SHROOM1: variants seen among roughly 807,000 people sequenced by gnomAD.
SHROOM1 encodes shroom family member 1.
Under a neutral mutation model 64.2 loss-of-function variants are expected in SHROOM1, and 53 were observed. The observed-to-expected ratio is 0.83, with a 90% confidence interval of 0.66 to 1.04. SHROOM1 has a LOEUF of 1.04. SHROOM1 is among the 50% of genes least tolerant of loss of function. The pLI, the probability that SHROOM1 is intolerant of heterozygous loss-of-function variation, is 0.00. For missense variants in SHROOM1, 1,179 were observed against 1,163.2 expected, an observed-to-expected ratio of 1.01 and a Z score of -0.20; for synonymous variants, 490 against 518.9, an observed-to-expected ratio of 0.94 and a Z score of 0.76.
intron 1 of SHROOM1, chr5:132,829,991 C>A (rs1382613697): frequency 7.1e-6 from 7 of 985,330 alleles, no homozygotes; most frequent in Non-Finnish European, 8.4e-6. Context: ...TGGCGACACC[C>A]GGGGAGAGGC....
Position 132,826,100 on chromosome 5 carries a change from GC to G in SHROOM1, c.40del (p.Ala14ProfsTer45). On this transcript the variant is annotated frameshift_variant, in exon 4 of 10. Transcript: ENST00000378679. LOFTEE classifies it high-confidence loss of function. Reference sequence around the variant, plus strand: ...CAGGTCCAGGCTGCTAGTGGACGAGGCCGGGGAGGCGCGGTCGCCCCCAGGT... The same window carrying G: ...CAGGTCCAGGCTGCTAGTGGACGAGGCGGGGAGGCGCGGTCGCCCCCAGGT... Reference protein sequence around the residue: ...LGPGGDRASPASSTSSLDLWH... With the variant: ...LGPGGDRASPXSSTSSLDLWH... 7.2e-7 allele frequency: 1 copy of G among 1,393,972 alleles called. No individual in the cohort carries two copies. Among genetic ancestry groups the G allele is most frequent in the South Asian group, 1.7e-5 (1 of 59,488 alleles). 86.4% of individuals were successfully genotyped at this position (1,393,972 alleles called of 1,614,324 possible). A position where few individuals can be genotyped will look rare whatever the true frequency, so the allele number is the denominator to read the frequency against.
chr5:132,824,955 T>C (rs1581231011), intron 5 of SHROOM1, 63 bp downstream of exon 5: 2 of 1,604,820 alleles, frequency 1.2e-6, no homozygotes, highest in African/African-American at 1.3e-5. Flanking sequence ...CTTTCATTTT[T>C]TGGGCAAAAG....
In SHROOM1 at chr5:132,830,305, C is replaced by T; in HGVS notation, c.-501+289G>A. The T allele has an allele frequency of 1.0e-6, 1 of 985,190 alleles. No homozygotes were observed. The highest frequency in any genetic ancestry group is 1.7e-5 in the African/African-American group (1 of 57,312). The allele number at this position is 985,190 out of a possible 1,614,324, so 61.0% of individuals were successfully genotyped here. The stretch of plus-strand genomic sequence containing the variant: ...GTGAGACCGCGCTGCCCGCCGGCGC[C>T]ACACGCGGCGCGCCCAGCCGCGCCC... On this transcript the variant is annotated intron_variant, in intron 1 of 9. Transcript: ENST00000378679. This position sits in a 1 kb window ranked among gnomAD's most constrained non-coding sequence, Gnocchi z 5.9.
rs769613033 is a variant in SHROOM1 at position 132,824,700 on chromosome 5, G to A, written c.1156C>T (p.Pro386Ser). The A allele has an allele frequency of 3.0e-5, 48 of 1,613,968 alleles. No homozygotes were observed. The highest frequency in any genetic ancestry group is 1.5e-4 in the South Asian group (14 of 91,084). ...GCCTCTTCTAGGAACACTTCATCAG[G>A]AAGGGAGGGGAGCCAGGCAGGCACA... ...CIVPAWLPSL[P>S]DEVFLEEAPL... is the part of the protein sequence containing the mutation. Residue 386 changes from proline to serine, a missense_variant, in exon 6 of 10, where the codon CCT becomes TCT. By Grantham distance (74) the Pro-to-Ser change is moderately conservative. Transcript: ENST00000378679.
Position 132,824,115 on chromosome 5 carries a change from G to A in SHROOM1, c.1546C>T (p.Pro516Ser), listed in dbSNP as rs759515954. Reference sequence around the variant, plus strand: ...AGGGCAGTATTGTGAGAGGGACCTGGAGTATCATTGCCTGAAAGTCCCAAG... The same window carrying A: ...AGGGCAGTATTGTGAGAGGGACCTGAAGTATCATTGCCTGAAAGTCCCAAG... ...DALGLSGNDT[P>S]GPSHNTALAR... The change falls in exon 7 of 10, where the codon CCA becomes TCA. Residue 516 changes from proline (P) to serine (S), a missense_variant. Coordinates refer to ENST00000378679, the MANE Select transcript of SHROOM1 (RefSeq NM_001172700.2). The A allele has an allele frequency of 6.2e-7, 1 of 1,614,030 alleles. No individual in the cohort carries two copies. Among genetic ancestry groups the A allele is most frequent in the African/African-American group, 1.3e-5 (1 of 74,942 alleles).
rs748000005 is a variant in SHROOM1, at chr5:132,822,934, G to C, written c.2421C>G (p.Asp807Glu). The C allele has an allele frequency of 1.2e-5, 19 of 1,612,672 alleles. No homozygotes were observed. In the South Asian group the frequency reaches 2.1e-4, roughly 18 times the overall value. Reference sequence around the variant, plus strand: ...GGTCCTGAAGGAGGCGGATGCGCTCGTCCAGGTTGCGCTGCTGGGCCAGGA... The same window carrying C: ...GGTCCTGAAGGAGGCGGATGCGCTCCTCCAGGTTGCGCTGCTGGGCCAGGA... The part of the protein sequence containing the change: ...AAVLAQQRNL[D>E]ERIRLLQDQL... The change falls in exon 10 of 10, where the codon GAC (aspartate) becomes GAG (glutamate). Residue 807 changes from aspartate (D) to glutamate (E), a missense_variant. Asp to Glu is a conservative substitution (Grantham distance 45). Transcript: ENST00000378679.
In SHROOM1 at chr5:132,825,802, CG is replaced by C; in HGVS notation, c.338del (p.Pro113ArgfsTer53). On this transcript the variant is annotated frameshift_variant, in exon 4 of 10. Coordinates refer to ENST00000378679, the MANE Select transcript of SHROOM1 (RefSeq NM_001172700.2). LOFTEE classifies it high-confidence loss of function. This position sits in a 1 kb window ranked among gnomAD's most constrained non-coding sequence, Gnocchi z 5.1. ...TPGPLNRQAT[P>X]LLYALAAEAE... ...CCTCGGCCGCCAGCGCGTACAGCAG[CG>C]GGGTGGCCTGCCTGTTCAGTGGTCC... 1 of 1,247,738 alleles carries C rather than the reference CG, an allele frequency of 8.0e-7. No homozygotes were observed. Among genetic ancestry groups the C allele is most frequent in the Non-Finnish European group, 1.0e-6 (1 of 998,272 alleles). The allele number at this position is 1,247,738 out of a possible 1,614,324, so 77.3% of individuals were successfully genotyped here. A position where few individuals can be genotyped will look rare whatever the true frequency, so the allele number is the denominator to read the frequency against.
chr5:132,825,671 G>C lies in SHROOM1; in HGVS notation c.470C>G (p.Ser157Trp). The change falls in exon 4 of 10, where the codon TCG (serine) becomes TGG (tryptophan). Residue 157 changes from serine (S) to tryptophan (W), a missense_variant. Physicochemically the swap from Ser to Trp is radical, Grantham distance 177. Transcript: ENST00000378679. This position sits in a 1 kb window ranked among gnomAD's most constrained non-coding sequence, Gnocchi z 5.1. The stretch of plus-strand genomic sequence containing the variant: ...CATGCGGAGCTCCTTGCGCTGGAAC[G>C]ACGTCTCCCGGAGCACTCGCCGCTG... ...GAQRRVLRET[S>W]FQRKELRMSL... 1 of 1,357,398 alleles carries C rather than the reference G, an allele frequency of 7.4e-7. No homozygotes were observed. Among genetic ancestry groups the C allele is most frequent in the Non-Finnish European group, 9.4e-7 (1 of 1,061,420 alleles). The allele number at this position is 1,357,398 out of a possible 1,614,324, so 84.1% of individuals were successfully genotyped here. A position where few individuals can be genotyped will look rare whatever the true frequency, so the allele number is the denominator to read the frequency against.
chr5:132,830,508 AC>A lies in SHROOM1; in HGVS notation c.-501+85del. The A allele has an allele frequency of 6.1e-6, 6 of 980,000 alleles. No individual in the cohort carries two copies. In the South Asian group the frequency reaches 2.8e-4, roughly 46 times the overall value. 60.7% of individuals were successfully genotyped at this position (980,000 alleles called of 1,614,324 possible). The stretch of plus-strand genomic sequence containing the variant: ...ACCACCGCCTCGCCGCCCGCTCTTC[AC>A]CCCCGTCCGCCCGCAGCCCCGCCGG... On this transcript the variant is annotated intron_variant, in intron 1 of 9. Transcript: ENST00000378679. The surrounding 1 kb of genome is among the most constrained non-coding windows in gnomAD (Gnocchi z 5.9).
In SHROOM1 at chr5:132,829,957, C is replaced by T. The variant is rs369546494; in HGVS notation, c.-501+637G>A. On this transcript the variant is annotated intron_variant, in intron 1 of 9. Transcript: ENST00000378679. Reference sequence around the variant, plus strand: ...AGTCTCTGGAGACCCGAGCTCCGTGCCATGCACAGGAAATGCAGGAAGCTG... The same window carrying T: ...AGTCTCTGGAGACCCGAGCTCCGTGTCATGCACAGGAAATGCAGGAAGCTG... 9.0e-5 allele frequency: 89 copies of T among 985,484 alleles called. 1 individual carries two copies. The East Asian group carries it at 7.8e-3, about 87-fold the overall frequency. 61.0% of individuals were successfully genotyped at this position (985,484 alleles called of 1,614,324 possible).
At position 132,823,306 on chromosome 5, in the gene SHROOM1, C is replaced by T; in HGVS notation, c.2170G>A (p.Ala724Thr). The change falls in exon 9 of 10, where the codon GCG (alanine) becomes ACG (threonine). Residue 724 changes from alanine to threonine, a missense_variant. Physicochemically the swap from Ala to Thr is moderately conservative, Grantham distance 58. Coordinates refer to ENST00000378679, the MANE Select transcript of SHROOM1 (RefSeq NM_001172700.2). This position sits in a 1 kb window ranked among gnomAD's most constrained non-coding sequence, Gnocchi z 4.6. ...CGGGCCAGGGCGCGGCGCACGCGCGCCAGGCGACTGCCCAGCAGCAGCAGA... is the reference window on the plus strand; with the variant it reads ...CGGGCCAGGGCGCGGCGCACGCGCGTCAGGCGACTGCCCAGCAGCAGCAGA... ...GLLLLLGSRL[A>T]RVRRALARAA... 6.2e-7 allele frequency: 1 copy of T among 1,602,490 alleles called. No individual in the cohort carries two copies. The highest frequency in any genetic ancestry group is 1.1e-5 in the South Asian group (1 of 90,982).
At position 132,830,233 on chromosome 5, in the gene SHROOM1, C is replaced by A; in HGVS notation, c.-501+361G>T. 1 of 985,348 alleles carries A rather than the reference C, an allele frequency of 1.0e-6. No homozygotes were observed. Among genetic ancestry groups the A allele is most frequent in the Non-Finnish European group, 1.2e-6 (1 of 829,898 alleles). The allele number at this position is 985,348 out of a possible 1,614,324, so 61.0% of individuals were successfully genotyped here. A position where few individuals can be genotyped will look rare whatever the true frequency, so the allele number is the denominator to read the frequency against. On this transcript the variant is annotated intron_variant, in intron 1 of 9. Transcript: ENST00000378679. The surrounding 1 kb of genome is among the most constrained non-coding windows in gnomAD (Gnocchi z 5.9). ...GCGAGCCCGGGAGGGAAGGACCCGG[C>A]TTCTCCAGATGCTTGGCGACAAAGG...
rs768276151 is a variant in SHROOM1 at position 132,823,645 on chromosome 5, T to C, written c.1931A>G (p.Asn644Ser). 1.9e-6 allele frequency: 3 copies of C among 1,601,520 alleles called. No individual in the cohort carries two copies. The Admixed American group carries it at 5.2e-5, about 28-fold the overall frequency. Residue 644 changes from asparagine to serine, a missense_variant, in exon 8 of 10, where the codon AAC (asparagine) becomes AGC (serine). By Grantham distance (46) the Asn-to-Ser change is conservative (BLOSUM62 1). Transcript: ENST00000378679. The surrounding 1 kb of genome is among the most constrained non-coding windows in gnomAD (Gnocchi z 4.6). ...QPCGQGLPAPNNSIQGKKVEL... is the reference protein window; with the variant it reads ...QPCGQGLPAPSNSIQGKKVEL... The stretch of plus-strand genomic sequence containing the variant: ...CACTTTCTTGCCCTGGATGCTGTTG[T>C]TTGGTGCAGGGAGCCCCTGCCCACA...
At position 132,822,973 on chromosome 5, in the gene SHROOM1, C is replaced by G. The variant is rs145343807; in HGVS notation, c.2382G>C (p.Ala794=). The part of the protein sequence containing the change: ...EELRVYCALL[A]GKAAVLAQQR... ...GCTGGGCCAGGACGGCGGCCTTGCC[C>G]GCCAGCAGGGCGCAATAGACGCGCA... The change falls in exon 10 of 10, where the codon GCG becomes GCC. Residue 794 remains alanine, a synonymous_variant. Transcript: ENST00000378679. The G allele has an allele frequency of 5.6e-6, 9 of 1,609,760 alleles. No individual in the cohort carries two copies. The highest frequency in any genetic ancestry group is 7.6e-6 in the Non-Finnish European group (9 of 1,179,766).
At position 132,822,351 on chromosome 5, in the gene SHROOM1, C is replaced by CTTTTTTTTTTTTTTTTT. The variant is rs34378204; in HGVS notation, c.*428_*444dup. 14 of 58,664 alleles carry CTTTTTTTTTTTTTTTTT rather than the reference C, an allele frequency of 2.4e-4. 3 individuals carry two copies. The highest frequency in any genetic ancestry group is 3.8e-4 in the Non-Finnish European group (13 of 33,846). 3.6% of individuals were successfully genotyped at this position (58,664 alleles called of 1,614,324 possible). ...ACATGAGAACACTTTGGAGAAGTATCTTTTTTTTTTTTTTTTTTTTTTTTT... is the reference window on the plus strand; with the variant it reads ...ACATGAGAACACTTTGGAGAAGTATCTTTTTTTTTTTTTTTTTTTTTTTTTTTTTTTTTTTTTTTTTT... On this transcript the variant is annotated 3_prime_UTR_variant, in exon 10 of 10. Coordinates refer to ENST00000378679, the MANE Select transcript of SHROOM1 (RefSeq NM_001172700.2).
chr5:132,827,680 AAC>A (rs1466903200), intron 1 of SHROOM1, 73 bp from the exon 2 acceptor site: 3 of 152,376 alleles, frequency 2.0e-5, no homozygotes, highest in Non-Finnish European at 2.9e-5. Context: ...CAAGGGAAAT[AAC>A]AGATTTGCAG....
chr5:132,826,599 T>G lies in SHROOM1; in HGVS notation c.-353-12A>C. On this transcript the variant is annotated splice_polypyrimidine_tract_variant and intron_variant, in intron 2 of 9. Coordinates refer to ENST00000378679, the MANE Select transcript of SHROOM1 (RefSeq NM_001172700.2). ...CATGTGATCTTTCCCTGATAAACAA[T>G]GGTCAAGAACACTCTTGTGACCTCA... 6.3e-6 allele frequency: 1 copy of G among 158,148 alleles called. No homozygotes were observed. The highest frequency in any genetic ancestry group is 1.4e-5 in the Non-Finnish European group (1 of 72,350). 9.8% of individuals were successfully genotyped at this position (158,148 alleles called of 1,614,324 possible).
At position 132,823,665 on chromosome 5, in the gene SHROOM1, C is replaced by A. The variant is rs1237082025; in HGVS notation, c.1911G>T (p.Gly637=). The change falls in exon 8 of 10, where the codon GGG becomes GGT. Residue 637 remains glycine (G), a synonymous_variant. Coordinates refer to ENST00000378679, the MANE Select transcript of SHROOM1 (RefSeq NM_001172700.2). This position sits in a 1 kb window ranked among gnomAD's most constrained non-coding sequence, Gnocchi z 4.6. ...TGTTGTTTGGTGCAGGGAGCCCCTG[C>A]CCACATGGCTGGTCAAGCACAGGGT... The part of the protein sequence containing the change: ...ATHPVLDQPC[G]QGLPAPNNSI... 5 of 1,609,912 alleles carry A rather than the reference C, an allele frequency of 3.1e-6. No individual in the cohort carries two copies. Among genetic ancestry groups the A allele is most frequent in the Non-Finnish European group, 4.2e-6 (5 of 1,178,024 alleles).
At position 132,824,180 on chromosome 5, in the gene SHROOM1, G is replaced by C; in HGVS notation, c.1481C>G (p.Ala494Gly). The change falls in exon 7 of 10, where the codon GCT becomes GGT. Residue 494 changes from alanine (A) to glycine (G), a missense_variant. Physicochemically the swap from Ala to Gly is moderately conservative, Grantham distance 60. Transcript: ENST00000378679. ...AGGTTTGAGGAGGTCACTCTCTGCA[G>C]CTGTGGGGGGATTGGTGGTCAGTCC... Reference protein sequence around the residue: ...PTGLTTNPPTAAESDLLKPVP... With the variant: ...PTGLTTNPPTGAESDLLKPVP... The C allele has an allele frequency of 6.2e-7, 1 of 1,614,246 alleles. No individual in the cohort carries two copies. The highest frequency in any genetic ancestry group is 2.2e-5 in the East Asian group (1 of 44,892).
Sources: gnomAD v4.1 joint callset for allele counts on GRCh38, gnomAD v4.1.1 for gene constraint, Gnocchi (gnomAD v3.1) non-coding constraint, MANE v1.5 for transcripts, NCBI Gene and HGNC (gene_info 2026-07-23, HGNC 2026-07-21) for gene names.